The following CDK5RAP2 variants were observed in gnomAD, a reference collection of about 807,000 sequenced individuals.
CDK5RAP2 encodes CDK5 regulatory subunit-associated protein 2.
A neutral mutation model predicts 232.9 loss-of-function variants in CDK5RAP2; 147 were observed. The observed-to-expected ratio is 0.63, with a 90% CI of 0.55 to 0.72. The LOEUF is 0.72. Among genes scored for constraint, CDK5RAP2 ranks in the 30% least tolerant of loss-of-function variants. CDK5RAP2 has a pLI of 0.00. For synonymous variants in CDK5RAP2, 833 were observed against 833.7 expected (o/e 1.00, Z 0.01); for missense variants, 2,195 against 2,231.5 (o/e 0.98, Z 0.33).
chr9:120,424,306 T>C (rs1397348492), intron 25 of CDK5RAP2, among the ~76,000 whole-genome samples: 5 of 152,212 alleles, frequency 3.3e-5, no homozygotes, highest in Admixed American at 6.5e-5. Context: ...AAAAATGGCA[T>C]GGTATTTTGG....
intron 7 of CDK5RAP2, among the ~76,000 whole-genome samples, 155 bp from the exon 8 acceptor site, chr9:120,530,295 G>A (rs574169203): frequency 4.9e-4 from 74 of 152,300 alleles, no homozygotes; most frequent in African/African-American, 1.5e-3. Flanking sequence ...GAGATTAAGC[G>A]TCAGAATTCG....
chr9:120,415,055 A>C lies in CDK5RAP2; in HGVS notation c.4282T>G (p.Ser1428Ala). The change falls in exon 28 of 38, where the codon TCT (serine) becomes GCT (alanine). Residue 1428 changes from serine to alanine, a missense_variant. By Grantham distance (99) the Ser-to-Ala change is moderately conservative. Coordinates refer to ENST00000349780, the MANE Select transcript of CDK5RAP2 (RefSeq NM_018249.6). ...CTTTCCTTACCTTGAACAAATTCAG[A>C]TCCTTGCCGTTCCAACTGTTTCCGT... is the stretch of plus-strand genomic sequence containing the variant. The part of the protein sequence containing the change: ...KLRKQLERQG[S>A]EFVQGSTSIF... 1 of 1,614,158 alleles carries C rather than the reference A, an allele frequency of 6.2e-7. No individual in the cohort carries two copies. The highest frequency in any genetic ancestry group is 8.5e-7 in the Non-Finnish European group (1 of 1,180,016).
Position 120,473,794 on chromosome 9 carries a change from A to C in CDK5RAP2, c.1728-1916T>G, listed in dbSNP as rs145620356. Reference sequence around the variant, plus strand: ...AGAAAAAAAGAGACTGTTTTAGAGAAGCTCCTGCGATTAGGGCTGGGGAAA... The same window carrying C: ...AGAAAAAAAGAGACTGTTTTAGAGACGCTCCTGCGATTAGGGCTGGGGAAA... On this transcript the variant is annotated intron_variant, in intron 15 of 37. Coordinates refer to ENST00000349780, the MANE Select transcript of CDK5RAP2 (RefSeq NM_018249.6). Among the ~76,000 whole-genome samples, 6 of 152,334 alleles carry C rather than the reference A, an allele frequency of 3.9e-5. No homozygotes were observed. The East Asian group carries it at 7.7e-4, about 20-fold the overall frequency.
Position 120,402,786 on chromosome 9 carries a change from C to T in CDK5RAP2, c.5307+20G>A. On this transcript the variant is annotated intron_variant, in intron 34 of 37. Transcript: ENST00000349780. ...CTCCCAGGGAGCAGCTTGTGCCCCC[C>T]AGCTCTGTGGTCAGGTTACCTTTGT... The T allele has an allele frequency of 6.2e-7, 1 of 1,613,384 alleles. No homozygotes were observed. The highest frequency in any genetic ancestry group is 8.5e-7 in the Non-Finnish European group (1 of 1,179,964).
At chr9:120,547,707 T>G (rs990678069) in intron 4 of CDK5RAP2, among the ~76,000 whole-genome samples, 3 of 152,160 alleles carry the variant, frequency 2.0e-5, no homozygotes, top group African/African-American at 7.2e-5. Flanking sequence ...CGTTGAGAAG[T>G]ACAGCCATGA....
chr9:120,393,711 A>T (rs561838852), intron 36 of CDK5RAP2, among the ~76,000 whole-genome samples: 18 of 152,368 alleles, frequency 1.2e-4, no homozygotes, highest in Admixed American at 2.0e-4. Flanking sequence ...AGCTGCTCCC[A>T]AACAATCTCC....
At chr9:120,437,213 G>A in intron 25 of CDK5RAP2, 82 bp downstream of exon 25, 1 of 951,428 alleles carries the variant, frequency 1.1e-6, no homozygotes, top group Non-Finnish European at 1.7e-6. Context: ...TAAGGCCAAG[G>A]AGTTAGCTCC....
chr9:120,436,269 G>A (rs755336002), intron 25 of CDK5RAP2, among the ~76,000 whole-genome samples: 1 of 152,058 alleles, frequency 6.6e-6, no homozygotes, highest in Non-Finnish European at 1.5e-5. Context: ...TGAGTCTTGC[G>A]GAAAGAACAG....
intron 25 of CDK5RAP2, among the ~76,000 whole-genome samples, chr9:120,434,903 A>T (rs1051655420): frequency 5.3e-5 from 8 of 152,208 alleles, no homozygotes; most frequent in African/African-American, 1.9e-4. Flanking sequence ...TAAGAGAGAA[A>T]GGGGAATGGA....
At chr9:120,424,853 C>G (rs945919309) in intron 25 of CDK5RAP2, among the ~76,000 whole-genome samples, 1 of 152,008 alleles carries the variant, frequency 6.6e-6, no homozygotes, top group African/African-American at 2.4e-5. Context: ...GCACACACCA[C>G]CACCATCAGC....
At chr9:120,402,308 A>C (rs1438774414) in intron 34 of CDK5RAP2, among the ~76,000 whole-genome samples, 1 of 152,230 alleles carries the variant, frequency 6.6e-6, no homozygotes, top group Non-Finnish European at 1.5e-5. Context: ...AAAATAAAAA[A>C]AACACAACAA....
chr9:120,482,877 C>A (rs1011462638), intron 14 of CDK5RAP2, among the ~76,000 whole-genome samples: 1 of 152,236 alleles, frequency 6.6e-6, no homozygotes, highest in Non-Finnish European at 1.5e-5. Context: ...TAAATGAACT[C>A]TTTGAAGCCA....
rs548451077 is a variant in CDK5RAP2 at position 120,421,671 on chromosome 9, T to C, written c.4004+1022A>G. ...AATAAAGGAGGGCAAGACCTTGGCA[T>C]TTTCAGTTGGCCATAGACACAAGCT... On this transcript the variant is annotated intron_variant, in intron 26 of 37. Coordinates refer to ENST00000349780, the MANE Select transcript of CDK5RAP2 (RefSeq NM_018249.6). Among the ~76,000 whole-genome samples, 3 of 152,350 alleles carry C rather than the reference T, an allele frequency of 2.0e-5. No homozygotes were observed. In the East Asian group the frequency reaches 5.8e-4, roughly 29 times the overall value.
chr9:120,390,773 A>G (rs2031881077), intron 36 of CDK5RAP2, among the ~76,000 whole-genome samples: 1 of 152,188 alleles, frequency 6.6e-6, no homozygotes, highest in African/African-American at 2.4e-5. Context: ...CTCAACGCCC[A>G]ACACACATAG....
At chr9:120,407,290 C>T in intron 31 of CDK5RAP2, 42 bp from the exon 32 acceptor site, 1 of 1,466,104 alleles carries the variant, frequency 6.8e-7, no homozygotes, top group Non-Finnish European at 9.5e-7. Flanking sequence ...TCTTCCACAA[C>T]CAAAGGGTCA....
At chr9:120,557,232 T>G (rs2132098966) in intron 3 of CDK5RAP2, among the ~76,000 whole-genome samples, 1 of 152,306 alleles carries the variant, frequency 6.6e-6, no homozygotes. Flanking sequence ...TAGTACCACT[T>G]TCCTCACAGT....
chr9:120,515,692 T>C (rs1450004259), intron 12 of CDK5RAP2, among the ~76,000 whole-genome samples: 1 of 152,052 alleles, frequency 6.6e-6, no homozygotes, highest in East Asian at 1.9e-4. Context: ...GCCAACCCCA[T>C]CAAAAAGTGG....
chr9:120,535,370 G>A (rs1225805164), intron 7 of CDK5RAP2, among the ~76,000 whole-genome samples: 2 of 152,248 alleles, frequency 1.3e-5, no homozygotes, highest in Non-Finnish European at 2.9e-5. Flanking sequence ...CAAGGCAGAA[G>A]TAAAAGCAGA....
At chr9:120,433,460 T>C (rs1218565904) in intron 25 of CDK5RAP2, among the ~76,000 whole-genome samples, 1 of 152,210 alleles carries the variant, frequency 6.6e-6, no homozygotes, top group Non-Finnish European at 1.5e-5. Context: ...GGTATTAGAA[T>C]GCTAAGTTTA....
Sources: allele counts gnomAD v4.1 joint callset (sites outside exome capture counted in the v4.1 genomes callset), GRCh38; gene constraint gnomAD v4.1.1; transcripts MANE v1.5; gene names NCBI Gene and HGNC (gene_info 2026-07-23, HGNC 2026-07-21).